Variants in GPC5 observed in about 807,000 individuals in gnomAD.
GPC5 encodes glypican 5, also known as glypican-5.
Under a neutral mutation model 53.9 loss-of-function variants are expected in GPC5, and 47 were observed. The ratio of observed to expected loss-of-function variants is 0.87; its 90% CI spans 0.69 to 1.11. The LOEUF is 1.11. Ranked by LOEUF, GPC5 falls within the 50% of genes most tolerant of loss-of-function variation. GPC5 has a pLI of 0.00. For synonymous variants in GPC5, 286 were observed against 263.3 expected (o/e 1.09, Z -0.84); for missense variants, 748 against 713.1 (o/e 1.05, Z -0.56).
intron 2 of GPC5, among the ~76,000 whole-genome samples, chr13:91,543,077 T>C (rs1426903604): frequency 6.6e-6 from 1 of 152,050 alleles, no homozygotes; most frequent in Non-Finnish European, 1.5e-5. Context: ...AGGATGGTCT[T>C]GACCTCCTGA....
At chr13:91,857,312 A>G (rs1241799173) in intron 5 of GPC5, among the ~76,000 whole-genome samples, 3 of 151,346 alleles carry the variant, frequency 2.0e-5, no homozygotes, top group Non-Finnish European at 4.4e-5. Flanking sequence ...TAATCTAATA[A>G]CCAAATTGAA....
chr13:91,669,854 G>A (rs1245803987), intron 2 of GPC5, among the ~76,000 whole-genome samples: 1 of 152,176 alleles, frequency 6.6e-6, no homozygotes, highest in Non-Finnish European at 1.5e-5. Context: ...ATTTGCTTGT[G>A]TATGTGTTTG....
chr13:91,510,144 A>ATAT (rs951505388), intron 2 of GPC5, among the ~76,000 whole-genome samples: 3 of 152,064 alleles, frequency 2.0e-5, no homozygotes, highest in Non-Finnish European at 2.9e-5. Flanking sequence ...TTATGTACAT[A>ATAT]TATTATTATT....
intron 7 of GPC5, among the ~76,000 whole-genome samples, chr13:92,685,079 C>T (rs1411999543): frequency 8.2e-6 from 1 of 122,036 alleles, no homozygotes; most frequent in Non-Finnish European, 1.7e-5. Context: ...CAGTGAGATC[C>T]AGTAGTTCTA....
intron 7 of GPC5, among the ~76,000 whole-genome samples, chr13:92,473,047 A>T (rs1281890440): frequency 6.6e-6 from 1 of 152,090 alleles, no homozygotes; most frequent in Admixed American, 6.6e-5. Context: ...TCAAAAACAG[A>T]TATTGATCAT....
intron 7 of GPC5, among the ~76,000 whole-genome samples, chr13:92,534,217 G>T (rs563804819): frequency 1.8e-4 from 27 of 152,234 alleles, no homozygotes; most frequent in African/African-American, 6.5e-4. Flanking sequence ...AGCCTGGGAG[G>T]AAAAGGTTGC....
chr13:91,902,021 T>C (rs1403194062), intron 5 of GPC5, among the ~76,000 whole-genome samples: 4 of 152,040 alleles, frequency 2.6e-5, no homozygotes. Context: ...TATTAATGAT[T>C]TATTCTTACA....
intron 7 of GPC5, among the ~76,000 whole-genome samples, chr13:92,188,050 G>C (rs2042196681): frequency 6.6e-6 from 1 of 151,876 alleles, no homozygotes; most frequent in Non-Finnish European, 1.5e-5. Flanking sequence ...ACCTACTTTG[G>C]CTTTTTTTTT....
At chr13:92,211,493 G>A (rs1249543894) in intron 7 of GPC5, among the ~76,000 whole-genome samples, 2 of 152,260 alleles carry the variant, frequency 1.3e-5, no homozygotes, top group African/African-American at 4.8e-5. Flanking sequence ...TCCAAGAGTT[G>A]GTTCATTCAA....
chr13:92,866,525 A>G lies in GPC5; in HGVS notation c.*86A>G, dbSNP rs1566451745. ...GCCTGGAATAAGAGATCCTTTTTCA[A>G]TGTAACAATTATATTTATGAAAAGA... On this transcript the variant is annotated 3_prime_UTR_variant, in exon 8 of 8. Transcript: ENST00000377067. 20 of 1,075,858 alleles carry G rather than the reference A, an allele frequency of 1.9e-5. No individual in the cohort carries two copies. Among genetic ancestry groups the G allele is most frequent in the Non-Finnish European group, 2.6e-5 (20 of 783,244 alleles). The allele number at this position is 1,075,858 out of a possible 1,614,324, so 66.6% of individuals were successfully genotyped here.
chr13:91,905,031 G>A (rs567554435), intron 5 of GPC5, among the ~76,000 whole-genome samples: 3 of 152,116 alleles, frequency 2.0e-5, no homozygotes, highest in Non-Finnish European at 2.9e-5. Flanking sequence ...CAGACTTCCC[G>A]TACTTTGAGG....
intron 7 of GPC5, among the ~76,000 whole-genome samples, chr13:92,706,273 T>G (rs765807373): frequency 6.6e-6 from 1 of 152,068 alleles, no homozygotes; most frequent in Admixed American, 6.6e-5. Context: ...ATCCAGAAAT[T>G]AAAAGTTATA....
intron 3 of GPC5, among the ~76,000 whole-genome samples, chr13:91,704,975 T>C (rs935238603): frequency 1.3e-5 from 2 of 152,322 alleles, no homozygotes. Flanking sequence ...CTAATCTATC[T>C]AGAGATGATC....
intron 3 of GPC5, among the ~76,000 whole-genome samples, chr13:91,695,280 C>G (rs1256617829): frequency 6.6e-6 from 1 of 152,152 alleles, no homozygotes; most frequent in Non-Finnish European, 1.5e-5. Flanking sequence ...TAAACCATCT[C>G]AAAAGGAGGT....
At chr13:91,805,091 A>G (rs942122448) in intron 5 of GPC5, among the ~76,000 whole-genome samples, 6 of 152,234 alleles carry the variant, frequency 3.9e-5, no homozygotes, top group African/African-American at 1.4e-4. Flanking sequence ...CAAACTGGGC[A>G]GAGGAGTGGG....
chr13:92,503,980 T>C (rs1880278861), intron 7 of GPC5, among the ~76,000 whole-genome samples: 1 of 151,972 alleles, frequency 6.6e-6, no homozygotes, highest in South Asian at 2.1e-4. Flanking sequence ...AGATTGTTTC[T>C]AATAAAATTT....
chr13:91,537,412 A>G (rs1226612627), intron 2 of GPC5, among the ~76,000 whole-genome samples: 1 of 152,196 alleles, frequency 6.6e-6, no homozygotes, highest in Non-Finnish European at 1.5e-5. Flanking sequence ...TTAGAAATCA[A>G]CAGATTACAT....
At chr13:92,190,706 CT>C (rs1048505220) in intron 7 of GPC5, among the ~76,000 whole-genome samples, 1 of 151,460 alleles carries the variant, frequency 6.6e-6, no homozygotes, top group Admixed American at 6.6e-5. Flanking sequence ...ATTTTAAAAA[CT>C]AAAAAATGAA....
chr13:91,666,855 C>T (rs949582255), intron 2 of GPC5, among the ~76,000 whole-genome samples: 2 of 151,980 alleles, frequency 1.3e-5, no homozygotes, highest in African/African-American at 2.4e-5. Flanking sequence ...AGTTTTTATT[C>T]CACAGCCTTT....
Sources: allele counts gnomAD v4.1 joint callset (sites outside exome capture counted in the v4.1 genomes callset), GRCh38; gene constraint gnomAD v4.1.1; transcripts MANE v1.5; gene names NCBI Gene and HGNC (gene_info 2026-07-23, HGNC 2026-07-21).